Variants in UCMA observed in about 807,000 individuals in gnomAD.
The protein encoded by UCMA is upper zone of growth plate and cartilage matrix-associated protein.
A neutral mutation model predicts 21.8 loss-of-function variants in UCMA; 21 were observed. The ratio of observed to expected loss-of-function variants is 0.97; its 90% CI spans 0.68 to 1.39. UCMA has a LOEUF of 1.39. Among genes scored for constraint, UCMA ranks in the 40% most tolerant of loss-of-function variants. The probability of loss-of-function intolerance (pLI) is 0.00; values close to 1 mark genes in which losing one functional copy is unlikely to be tolerated. For synonymous variants in UCMA, 76 were observed against 67.9 expected, an observed-to-expected ratio of 1.12 and a Z score of -0.58; for missense variants, 193 against 178.9, an observed-to-expected ratio of 1.08 and a Z score of -0.45.
At chr10:13,228,094 C>T (rs1834848366) in intron 4 of UCMA, among the ~76,000 whole-genome samples, 1 of 151,700 alleles carries the variant, frequency 6.6e-6, no homozygotes, top group South Asian at 2.1e-4. Context: ...GAGTCTTGCT[C>T]TGTTGCCCAG....
intron 4 of UCMA, among the ~76,000 whole-genome samples, chr10:13,227,294 T>G (rs914143817): frequency 6.6e-6 from 1 of 152,050 alleles, no homozygotes; most frequent in African/African-American, 2.4e-5. Context: ...CCAGGAGAAA[T>G]GAAAGAGCTG....
intron 4 of UCMA, among the ~76,000 whole-genome samples, chr10:13,224,245 C>T (rs577154163): frequency 9.3e-5 from 14 of 151,344 alleles, no homozygotes; most frequent in South Asian, 2.1e-4. Flanking sequence ...GAGGATTGCT[C>T]GAGCCCAGGA....
intron 4 of UCMA, among the ~76,000 whole-genome samples, chr10:13,228,539 C>T (rs1341708765): frequency 6.6e-6 from 1 of 152,146 alleles, no homozygotes; most frequent in African/African-American, 2.4e-5. Context: ...AGAAGGCAAG[C>T]TGTTTTCTGA....
intron 4 of UCMA, among the ~76,000 whole-genome samples, chr10:13,224,185 G>T (rs1446781369): frequency 6.6e-6 from 1 of 152,224 alleles, no homozygotes; most frequent in East Asian, 1.9e-4. Flanking sequence ...ATATTAGCCA[G>T]GTGTGATAGC....
intron 4 of UCMA, among the ~76,000 whole-genome samples, chr10:13,223,005 AC>A (rs2131601260): frequency 6.6e-6 from 1 of 151,840 alleles, no homozygotes; most frequent in African/African-American, 2.4e-5. Flanking sequence ...CTGGCAGATC[AC>A]CCAAAGTCAG....
chr10:13,230,883 C>T (rs1243102314), intron 3 of UCMA, among the ~76,000 whole-genome samples: 3 of 152,228 alleles, frequency 2.0e-5, no homozygotes, highest in East Asian at 3.9e-4. Flanking sequence ...ATGGCAAAAC[C>T]CCATCTCTAC....
At chr10:13,227,743 TACACACACACACACACAC>T (rs55831241) in intron 4 of UCMA, among the ~76,000 whole-genome samples, 1,223 of 110,688 alleles carry the variant, frequency 0.011, 22 homozygotes, top group African/African-American at 0.04. Context: ...GGAAAGGAAA[TACACACACACACACACAC>T]ACACACACAC....
In UCMA at chr10:13,234,345, G is replaced by C; in HGVS notation, c.-87C>G. The C allele has an allele frequency of 7.1e-7, 1 of 1,418,142 alleles. No individual in the cohort carries two copies. The highest frequency in any genetic ancestry group is 9.6e-7 in the Non-Finnish European group (1 of 1,036,734). 87.8% of individuals were successfully genotyped at this position (1,418,142 alleles called of 1,614,324 possible). On this transcript the variant is annotated 5_prime_UTR_variant, in exon 1 of 5. Transcript: ENST00000378681. ...TGGGTCCCCACTTCTGAGGCAGGCA[G>C]CCCAGGCGAGAGGAAGGAAGGCGGG...
intron 4 of UCMA, among the ~76,000 whole-genome samples, chr10:13,226,405 T>A (rs907752567): frequency 6.6e-6 from 1 of 152,142 alleles, no homozygotes; most frequent in South Asian, 2.1e-4. Flanking sequence ...ACTCCTGGGC[T>A]GAAGCCATCC....
intron 4 of UCMA, among the ~76,000 whole-genome samples, chr10:13,228,564 G>A (rs971893052): frequency 2.0e-5 from 3 of 152,192 alleles, no homozygotes; most frequent in African/African-American, 7.2e-5. Flanking sequence ...AGCTTTCCTG[G>A]TTTGCTTCTG....
chr10:13,224,233 G>T (rs954706650), intron 4 of UCMA, among the ~76,000 whole-genome samples: 4 of 151,926 alleles, frequency 2.6e-5, no homozygotes, highest in Non-Finnish European at 5.9e-5. Context: ...AGGCTGAGTT[G>T]GGAGGATTGC....
intron 4 of UCMA, among the ~76,000 whole-genome samples, chr10:13,228,351 A>G (rs1834851750): frequency 6.6e-6 from 1 of 151,572 alleles, no homozygotes; most frequent in African/African-American, 2.4e-5. Flanking sequence ...GGCCTTTCCT[A>G]CTCTCTATTT....
At chr10:13,223,887 G>C (rs1231670643) in intron 4 of UCMA, among the ~76,000 whole-genome samples, 4 of 145,436 alleles carry the variant, frequency 2.8e-5, no homozygotes, top group African/African-American at 1.0e-4. Flanking sequence ...AAAAAAAAAA[G>C]AGGTTGCCAG....
intron 3 of UCMA, among the ~76,000 whole-genome samples, chr10:13,232,713 CAA>C (rs1200909399): frequency 2.0e-5 from 3 of 152,118 alleles, no homozygotes; most frequent in Admixed American, 6.5e-5. Context: ...CTGAAGAATA[CAA>C]AGAGTTCATT....
intron 3 of UCMA, among the ~76,000 whole-genome samples, chr10:13,232,351 G>A (rs1238304928): frequency 8.3e-5 from 11 of 133,224 alleles, no homozygotes; most frequent in Non-Finnish European, 1.2e-4. Flanking sequence ...CAGCCTGGGC[G>A]ACAGAGTGAG....
intron 3 of UCMA, among the ~76,000 whole-genome samples, chr10:13,232,163 C>T (rs1006954334): frequency 1.3e-5 from 2 of 151,976 alleles, no homozygotes; most frequent in African/African-American, 4.8e-5. Context: ...CACCTGAGTT[C>T]AGGAGTTCGA....
rs773225819 is a variant in UCMA, at chr10:13,234,286, G to A, written c.-28C>T. 3 of 1,611,900 alleles carry A rather than the reference G, an allele frequency of 1.9e-6. No homozygotes were observed. Among genetic ancestry groups the A allele is most frequent in the South Asian group, 1.1e-5 (1 of 90,636 alleles). On this transcript the variant is annotated 5_prime_UTR_variant, in exon 1 of 5. Transcript: ENST00000378681. ...TTGCAGAGGTAGGGGCTCCGTCCAG[G>A]ACCCACAAGGCAGACCAGGCGTCCT...
chr10:13,229,818 T>A, intron 3 of UCMA, 109 bp from the exon 4 acceptor site: 1 of 854,594 alleles, frequency 1.2e-6, no homozygotes, highest in Non-Finnish European at 1.9e-6. Context: ...GGGGGATGAG[T>A]GGTTTGTGGG....
At chr10:13,226,846 C>A (rs1179910595) in intron 4 of UCMA, among the ~76,000 whole-genome samples, 1 of 152,148 alleles carries the variant, frequency 6.6e-6, no homozygotes, top group Non-Finnish European at 1.5e-5. Flanking sequence ...AGGCGCCCAA[C>A]CCTGCATCCT....
Sources: gnomAD v4.1 joint callset for allele counts (sites outside exome capture counted in the v4.1 genomes callset) on GRCh38, gnomAD v4.1.1 for gene constraint, MANE v1.5 for transcripts, NCBI Gene and HGNC (gene_info 2026-07-23, HGNC 2026-07-21) for gene names.